Variants in CCDC187 observed in about 807,000 individuals in gnomAD.
CCDC187 encodes coiled-coil domain containing 187.
In CCDC187, 32 loss-of-function variants were observed where a neutral mutation model predicts 38.0. That is an observed-to-expected ratio of 0.84 (90% CI 0.64 to 1.13). The LOEUF (loss-of-function observed/expected upper bound fraction) is 1.13. CCDC187 is among the 50% of genes most tolerant of loss of function. The pLI, the probability that CCDC187 is intolerant of heterozygous loss-of-function variation, is 0.00. For missense variants in CCDC187, 707 were observed against 786.8 expected (o/e 0.90, Z 1.21); for synonymous variants, 333 against 347.9 (o/e 0.96, Z 0.48).
chr9:136,271,606 CTTT>C (rs1272090795), intron 14 of CCDC187, among the ~76,000 whole-genome samples: 8 of 131,158 alleles, frequency 6.1e-5, no homozygotes, highest in Admixed American at 2.4e-4. Context: ...AAGAGAAAGT[CTTT>C]TTTTTTTTTT....
rs1257139564 is a variant in CCDC187, at chr9:136,254,742, G to C, written c.5086C>G (p.Pro1696Ala). The C allele has an allele frequency of 1.6e-5, 16 of 985,442 alleles. 1 individual carries two copies. The highest frequency in any genetic ancestry group is 1.8e-5 in the Non-Finnish European group (15 of 830,026). 61.0% of individuals were successfully genotyped at this position (985,442 alleles called of 1,614,324 possible). A position where few individuals can be genotyped will look rare whatever the true frequency, so the allele number is the denominator to read the frequency against. ...NQGEPRPGSAPGGGGWVTWQR... is the reference protein window; with the variant it reads ...NQGEPRPGSAAGGGGWVTWQR... ...CAGGTCACCCATCCTCCACCCCCAG[G>C]AGCACTGCCTGGCCGAGGCTCACCC... The change falls in exon 26 of 26, where the codon CCT becomes GCT. Residue 1696 changes from proline (P) to alanine (A), a missense_variant. Coordinates refer to ENST00000638797, the MANE Select transcript of CCDC187 (RefSeq NM_001378188.1).
At position 136,262,461 on chromosome 9, in the gene CCDC187, C is replaced by T. The variant is rs1830690980; in HGVS notation, c.3914G>A (p.Gly1305Asp). The T allele has an allele frequency of 3.9e-5, 38 of 985,668 alleles. No homozygotes were observed. In the South Asian group the frequency reaches 1.6e-3, roughly 43 times the overall value. The allele number at this position is 985,668 out of a possible 1,614,324, so 61.1% of individuals were successfully genotyped here. ...GGCGGCCTTGACTTTGGGGCTGGAA[C>T]CCTGTAAGAAATGGTGCAGGAGAGC... ...ELQAQAKLQQ[G>D]SSPKVKAAWE... is the part of the protein sequence containing the mutation. Residue 1305 changes from glycine (G) to aspartate (D), a missense_variant and splice_region_variant, in exon 19 of 26, where the codon GGT becomes GAT. By Grantham distance (94) the Gly-to-Asp change is moderately conservative. Transcript: ENST00000638797.
rs1487657520 is a variant in CCDC187 at position 136,255,057 on chromosome 9, A to C, written c.4771T>G (p.Cys1591Gly). Residue 1591 changes from cysteine to glycine, a missense_variant, in exon 26 of 26, where the codon TGC (cysteine) becomes GGC (glycine). By Grantham distance (159) the Cys-to-Gly change is radical (BLOSUM62 -3). Coordinates refer to ENST00000638797, the MANE Select transcript of CCDC187 (RefSeq NM_001378188.1). ...GSPLLPTTSS[C>G]GPGSESASGT... ...GAAGCAGACTCAGAGCCTGGACCGC[A>C]GGAGGAGGTGGTGGGGAGAAGGGGA... is the stretch of plus-strand genomic sequence containing the variant. 14 of 985,404 alleles carry C rather than the reference A, an allele frequency of 1.4e-5. No individual in the cohort carries two copies. Among genetic ancestry groups the C allele is most frequent in the African/African-American group, 1.7e-5 (1 of 57,230 alleles). The allele number at this position is 985,404 out of a possible 1,614,324, so 61.0% of individuals were successfully genotyped here. A position where few individuals can be genotyped will look rare whatever the true frequency, so the allele number is the denominator to read the frequency against.
At chr9:136,295,162 G>C (rs987077933) in intron 4 of CCDC187, among the ~76,000 whole-genome samples, 68 of 152,332 alleles carry the variant, frequency 4.5e-4, no homozygotes, top group Non-Finnish European at 8.1e-4. Flanking sequence ...TCACAGCTGG[G>C]TTTCGGGGGG....
In CCDC187 at chr9:136,255,022, G is replaced by C; in HGVS notation, c.4806C>G (p.Cys1602Trp). 1.0e-6 allele frequency: 1 copy of C among 985,544 alleles called. No individual in the cohort carries two copies. The highest frequency in any genetic ancestry group is 5.2e-4 in the Middle Eastern group (1 of 1,914). 61.0% of individuals were successfully genotyped at this position (985,544 alleles called of 1,614,324 possible). ...GPGSESASGTCWGPSEEATVS... is the reference protein window; with the variant it reads ...GPGSESASGTWWGPSEEATVS... The stretch of plus-strand genomic sequence containing the variant: ...CCGTGGCTTCTTCCGAAGGCCCCCA[G>C]CAGGTTCCAGAAGCAGACTCAGAGC... Residue 1602 changes from cysteine to tryptophan, a missense_variant, in exon 26 of 26, where the codon TGC (cysteine) becomes TGG (tryptophan). Coordinates refer to ENST00000638797, the MANE Select transcript of CCDC187 (RefSeq NM_001378188.1).
chr9:136,299,106 C>A (rs1432690364), intron 3 of CCDC187, among the ~76,000 whole-genome samples: 1 of 152,130 alleles, frequency 6.6e-6, no homozygotes, highest in African/African-American at 2.4e-5. Context: ...CCATTGGGGT[C>A]CCCCTGGAAG....
intron 6 of CCDC187, 139 bp downstream of exon 6, chr9:136,290,347 A>C (rs1588668243): frequency 2.5e-6 from 1 of 397,586 alleles, no homozygotes; most frequent in Non-Finnish European, 4.4e-6. Flanking sequence ...CAGCGACGCC[A>C]CGAAGTCCCC....
Position 136,286,328 on chromosome 9 carries a change from A to C in CCDC187, c.2590T>G (p.Ser864Ala). The C allele has an allele frequency of 2.5e-6, 1 of 398,566 alleles. No individual in the cohort carries two copies. Among genetic ancestry groups the C allele is most frequent in the East Asian group, 3.6e-5 (1 of 28,064 alleles). 24.7% of individuals were successfully genotyped at this position (398,566 alleles called of 1,614,324 possible). A position where few individuals can be genotyped will look rare whatever the true frequency, so the allele number is the denominator to read the frequency against. Reference sequence around the variant, plus strand: ...GCGGCAGGTAGGCTGTGGGGGCACGAGCGCAGCAGGCCCACAGCTGGGTCC... The same window carrying C: ...GCGGCAGGTAGGCTGTGGGGGCACGCGCGCAGCAGGCCCACAGCTGGGTCC... ...VRDPAVGLLR[S>A]CPHSLPAAPT... Residue 864 changes from serine to alanine, a missense_variant, in exon 8 of 26, where the codon TCG (serine) becomes GCG (alanine). By Grantham distance (99) the Ser-to-Ala change is moderately conservative. Coordinates refer to ENST00000638797, the MANE Select transcript of CCDC187 (RefSeq NM_001378188.1).
chr9:136,276,221 A>C lies in CCDC187; in HGVS notation c.3198T>G (p.Asp1066Glu), dbSNP rs1247096422. 8 of 152,150 alleles carry C rather than the reference A, an allele frequency of 5.3e-5. No individual in the cohort carries two copies. Among genetic ancestry groups the C allele is most frequent in the Admixed American group, 5.2e-4 (8 of 15,288 alleles). The allele number at this position is 152,150 out of a possible 1,614,324, so 9.4% of individuals were successfully genotyped here. Reference sequence around the variant, plus strand: ...CCAGCCGCCTCCTGAAGAGCAGCCCATCCAGGGTCTGCTGTGTCTCCCGGG... The same window carrying C: ...CCAGCCGCCTCCTGAAGAGCAGCCCCTCCAGGGTCTGCTGTGTCTCCCGGG... ...LEARETQQTL[D>E]GLLFRRRLEQ... The change falls in exon 12 of 26, where the codon GAT becomes GAG. Residue 1066 changes from aspartate to glutamate, a missense_variant. Coordinates refer to ENST00000638797, the MANE Select transcript of CCDC187 (RefSeq NM_001378188.1).
chr9:136,267,295 G>A (rs2131167445), intron 16 of CCDC187, 89 bp downstream of exon 16: 2 of 911,028 alleles, frequency 2.2e-6, no homozygotes, highest in South Asian at 5.0e-5. Context: ...CCCGGACGGG[G>A]CAGGGAGGGG....
At chr9:136,286,897 C>T (rs1253505923) in intron 7 of CCDC187, among the ~76,000 whole-genome samples, 2 of 152,176 alleles carry the variant, frequency 1.3e-5, no homozygotes, top group African/African-American at 4.8e-5. Flanking sequence ...CAGGCGTGAG[C>T]GAGGGGGCAG....
At chr9:136,284,019 A>G (rs1831111601) in intron 9 of CCDC187, among the ~76,000 whole-genome samples, 1 of 152,264 alleles carries the variant, frequency 6.6e-6, no homozygotes, top group East Asian at 1.9e-4. Flanking sequence ...CAAGCCCGCC[A>G]TCCCCTGAGG....
intron 9 of CCDC187, among the ~76,000 whole-genome samples, chr9:136,282,265 G>T (rs986439341): frequency 3.7e-4 from 57 of 152,294 alleles, no homozygotes; most frequent in African/African-American, 1.3e-3. Flanking sequence ...ATGGAGGCAG[G>T]TACAACTGGA....
At position 136,290,989 on chromosome 9, in the gene CCDC187, G is replaced by A. The variant is rs1238245457; in HGVS notation, c.1624C>T (p.Arg542Trp). 4.3e-5 allele frequency: 17 copies of A among 398,728 alleles called. No homozygotes were observed. Among genetic ancestry groups the A allele is most frequent in the African/African-American group, 1.2e-4 (6 of 48,756 alleles). 24.7% of individuals were successfully genotyped at this position (398,728 alleles called of 1,614,324 possible). ...GTTTCACAGGCAGTCCAGGCCCTCC[G>A]TGGACAGGGCTGTGTGGCTACAGCA... ...WSAVATQPCP[R>W]RAWTACETWE... Residue 542 changes from arginine to tryptophan, a missense_variant, in exon 6 of 26, where the codon CGG becomes TGG. Physicochemically the swap from Arg to Trp is moderately radical, Grantham distance 101 (BLOSUM62 -3). Transcript: ENST00000638797.
intron 4 of CCDC187, 42 bp from the exon 5 acceptor site, chr9:136,292,337 C>T: frequency 2.5e-6 from 1 of 398,630 alleles, no homozygotes. Context: ...CGCCCCATGG[C>T]CCTCTGGGCA....
chr9:136,275,492 G>A (rs1830914629), intron 12 of CCDC187, among the ~76,000 whole-genome samples: 1 of 152,064 alleles, frequency 6.6e-6, no homozygotes, highest in Non-Finnish European at 1.5e-5. Context: ...ACACCCACAC[G>A]TGTGCACGCA....
chr9:136,268,216 G>A (rs113532409), intron 14 of CCDC187, 91 bp from the exon 15 acceptor site: 14,530 of 823,034 alleles, frequency 0.018, 133 homozygotes, highest in Non-Finnish European at 0.02. Context: ...CATAAAAGTA[G>A]GAGGTCTAGG....
At chr9:136,269,628 C>T (rs981285223) in intron 14 of CCDC187, among the ~76,000 whole-genome samples, 5 of 151,988 alleles carry the variant, frequency 3.3e-5, no homozygotes, top group African/African-American at 1.2e-4. Context: ...AGCCTGGCAA[C>T]AGAGTGAGAC....
rs1831316401 is a variant in CCDC187 at position 136,291,092 on chromosome 9, G to A, written c.1521C>T (p.Ala507=). Residue 507 remains alanine (A), a synonymous_variant, in exon 6 of 26, where the codon GCC becomes GCT. Transcript: ENST00000638797. ...QACSPQRAWG[A]QRQGPSSQRP... The stretch of plus-strand genomic sequence containing the variant: ...TCTGGGAGGAGGGGCCCTGTCTTTG[G>A]GCCCCCCAGGCCCTCTGCGGACTGC... 7.5e-6 allele frequency: 3 copies of A among 398,336 alleles called. No individual in the cohort carries two copies. The highest frequency in any genetic ancestry group is 2.1e-5 in the African/African-American group (1 of 48,564). 24.7% of individuals were successfully genotyped at this position (398,336 alleles called of 1,614,324 possible). A position where few individuals can be genotyped will look rare whatever the true frequency, so the allele number is the denominator to read the frequency against.
Sources: gnomAD v4.1 joint callset for allele counts (sites outside exome capture counted in the v4.1 genomes callset) on GRCh38, gnomAD v4.1.1 for gene constraint, MANE v1.5 for transcripts, NCBI Gene and HGNC (gene_info 2026-07-23, HGNC 2026-07-21) for gene names.